The following GPHN variants were observed in gnomAD, a reference collection of about 807,000 sequenced individuals.
GPHN encodes the protein gephyrin.
In GPHN, 17 loss-of-function variants were observed where a neutral mutation model predicts 95.5. The observed-to-expected ratio is 0.18, with a 90% CI of 0.12 to 0.27. The LOEUF (loss-of-function observed/expected upper bound fraction) is 0.27, where lower values mean the gene tolerates loss of function less well. GPHN is among the 10% of genes least tolerant of loss of function. GPHN has a pLI of 1.00. For missense variants in GPHN, 660 were observed against 978.1 expected, an observed-to-expected ratio of 0.67 and a Z score of 4.34; for synonymous variants, 320 against 322.5, an observed-to-expected ratio of 0.99 and a Z score of 0.08.
chr14:67,240,623 C>A, the GPHN span, among the ~76,000 whole-genome samples: 11 of 152,220 alleles, frequency 7.2e-5, no homozygotes, highest in Non-Finnish European at 1.2e-4. Flanking sequence ...AGACACATTG[C>A]TGGTGTTTCT....
Position 66,856,775 on chromosome 14 carries a change from G to A in GPHN, c.295-23164G>A, listed in dbSNP as rs1263700442. ...TCTAAATGTACACCTCTTCCTAAGC[G>A]AAACTGATTTTAAGAATTCAAGAAC... is the stretch of plus-strand genomic sequence containing the variant. On this transcript the variant is annotated intron_variant, in intron 4 of 22. Transcript: ENST00000478722. 3.9e-5 allele frequency among the ~76,000 whole-genome samples: 6 copies of A among 151,926 alleles called. 1 individual carries two copies. The highest frequency in any genetic ancestry group is 2.1e-4 in the South Asian group (1 of 4,812).
At chr14:67,036,374 A>G (rs2074421756) in intron 10 of GPHN, among the ~76,000 whole-genome samples, 1 of 151,636 alleles carries the variant, frequency 6.6e-6, no homozygotes, top group Non-Finnish European at 1.5e-5. Context: ...GTTCTAATCA[A>G]AGCAGCTAGG....
At chr14:67,278,804 T>A in the GPHN span, among the ~76,000 whole-genome samples, 1 of 152,236 alleles carries the variant, frequency 6.6e-6, no homozygotes, top group South Asian at 2.1e-4. Flanking sequence ...TTGAATAGTA[T>A]GTTTCACATT....
chr14:66,801,134 A>T (rs994214131), intron 3 of GPHN, among the ~76,000 whole-genome samples: 1 of 151,646 alleles, frequency 6.6e-6, no homozygotes, highest in Non-Finnish European at 1.5e-5. Flanking sequence ...TTTATTCAAC[A>T]CAGCTATTTT....
the GPHN span, among the ~76,000 whole-genome samples, chr14:67,372,838 CAAAA>C: frequency 1.4e-5 from 2 of 146,634 alleles, no homozygotes; most frequent in East Asian, 2.0e-4. Flanking sequence ...AAAAAAAAAA[CAAAA>C]AACAAACAAA....
chr14:67,575,340 T>C, the GPHN span: 1 of 1,105,486 alleles, frequency 9.0e-7, no homozygotes, highest in South Asian at 1.5e-5. Flanking sequence ...GTCCTGGATT[T>C]ACTTCTAGAG....
intron 1 of GPHN, among the ~76,000 whole-genome samples, chr14:66,639,482 A>G (rs950176723): frequency 1.4e-4 from 21 of 152,180 alleles, no homozygotes; most frequent in African/African-American, 4.3e-4. Flanking sequence ...TTGAATACAT[A>G]TACATTCAAA....
chr14:67,458,043 G>A, the GPHN span, among the ~76,000 whole-genome samples: 5,887 of 152,300 alleles, frequency 0.039, 294 homozygotes, highest in South Asian at 0.12. Context: ...AGCCAGGAGC[G>A]GGAATTGAAG....
intron 5 of GPHN, among the ~76,000 whole-genome samples, chr14:66,905,946 T>C (rs998056384): frequency 2.6e-5 from 4 of 151,982 alleles, no homozygotes; most frequent in African/African-American, 9.7e-5. Flanking sequence ...ATGGTGTGTA[T>C]GTATCATGTT....
chr14:66,752,022 A>G (rs1323755479), intron 2 of GPHN, among the ~76,000 whole-genome samples: 1 of 152,112 alleles, frequency 6.6e-6, no homozygotes, highest in Non-Finnish European at 1.5e-5. Context: ...TTTACCTCGT[A>G]TGTTTTTGTT....
intron 2 of GPHN, among the ~76,000 whole-genome samples, chr14:66,704,729 A>G (rs2068897314): frequency 4.6e-5 from 7 of 152,176 alleles, no homozygotes; most frequent in Admixed American, 4.6e-4. Flanking sequence ...TCAGATCGAC[A>G]CCCTATCGTC....
intron 2 of GPHN, among the ~76,000 whole-genome samples, chr14:66,748,660 T>G (rs1026666493): frequency 6.6e-6 from 1 of 152,000 alleles, no homozygotes. Context: ...CCAAATTGTT[T>G]CTGATTTTGG....
chr14:67,246,649 G>GTTTT, the GPHN span, among the ~76,000 whole-genome samples: 15 of 112,210 alleles, frequency 1.3e-4, 1 homozygote, highest in East Asian at 2.7e-4. Flanking sequence ...CCTACTATAG[G>GTTTT]TTTTTTTTTT....
chr14:67,145,441 A>T (rs1015558641), intron 18 of GPHN, among the ~76,000 whole-genome samples: 2 of 152,182 alleles, frequency 1.3e-5, no homozygotes, highest in Non-Finnish European at 2.9e-5. Flanking sequence ...ATAGTTAAGC[A>T]TATTGGTTTT....
At chr14:67,347,295 T>C in the GPHN span, 1 of 825,882 alleles carries the variant, frequency 1.2e-6, no homozygotes, top group Admixed American at 2.6e-5. Context: ...AATAAGAGGA[T>C]TTCTAACTCA....
the GPHN span, chr14:67,592,583 A>G: frequency 9.4e-7 from 1 of 1,058,774 alleles, no homozygotes. Context: ...TTACATTCCT[A>G]ATGAAAAGGT....
the GPHN span, chr14:67,447,351 T>G: frequency 6.6e-6 from 1 of 152,074 alleles, no homozygotes. Flanking sequence ...GAGGTTAAAG[T>G]TTAAACATAA....
intron 1 of GPHN, among the ~76,000 whole-genome samples, chr14:66,586,831 G>T (rs1013539221): frequency 2.0e-5 from 3 of 151,912 alleles, no homozygotes; most frequent in Non-Finnish European, 4.4e-5. Flanking sequence ...GTCTAATGCT[G>T]AACCTCAAAG....
At chr14:67,346,165 A>T in the GPHN span, among the ~76,000 whole-genome samples, 2 of 152,226 alleles carry the variant, frequency 1.3e-5, no homozygotes, top group South Asian at 4.1e-4. Context: ...ATACTGCCTG[A>T]TGCCCAGAGT....
Sources: allele counts gnomAD v4.1 joint callset (sites outside exome capture counted in the v4.1 genomes callset), GRCh38; gene constraint gnomAD v4.1.1; transcripts MANE v1.5; gene names NCBI Gene and HGNC (gene_info 2026-07-23, HGNC 2026-07-21).